The following CENPU variants were observed in gnomAD, a reference collection of about 807,000 sequenced individuals.
CENPU encodes KSHV latent nuclear antigen interacting protein 1.
A neutral mutation model predicts 56.7 loss-of-function variants in CENPU; 46 were observed. The observed-to-expected ratio is 0.81, with a 90% CI of 0.64 to 1.04. CENPU has a LOEUF of 1.04. Ranked by LOEUF, CENPU falls within the 50% of genes least tolerant of loss-of-function variation. CENPU has a pLI of 0.00. For synonymous variants in CENPU, 166 were observed against 163.0 expected, an observed-to-expected ratio of 1.02 and a Z score of -0.14; for missense variants, 510 against 490.1, an observed-to-expected ratio of 1.04 and a Z score of -0.38.
intron 11 of CENPU, among the ~76,000 whole-genome samples, chr4:184,699,950 C>T (rs1418393154): frequency 1.3e-5 from 2 of 152,250 alleles, no homozygotes; most frequent in African/African-American, 4.8e-5. Flanking sequence ...AGCCACCGTG[C>T]CCGGCCTAGC....
intron 1 of CENPU, 108 bp from the exon 2 acceptor site, chr4:184,731,076 A>G (rs1200035911): frequency 2.5e-6 from 2 of 784,396 alleles, no homozygotes; most frequent in Non-Finnish European, 4.0e-6. Flanking sequence ...AAAAACAAGA[A>G]CCCATATTCC....
intron 6 of CENPU, among the ~76,000 whole-genome samples, chr4:184,714,207 G>C (rs1238471987): frequency 6.6e-6 from 1 of 152,106 alleles, no homozygotes; most frequent in Non-Finnish European, 1.5e-5. Context: ...AACACTTCCA[G>C]AGAAACAAAA....
intron 6 of CENPU, chr4:184,714,055 A>G (rs1191096628): frequency 6.6e-6 from 1 of 152,236 alleles, no homozygotes; most frequent in African/African-American, 2.4e-5. Flanking sequence ...GTAAAGGTAC[A>G]TGGGAAAGAG....
chr4:184,733,529 T>G (rs4862407), intron 1 of CENPU: 26 of 499,238 alleles, frequency 5.2e-5, no homozygotes, highest in Non-Finnish European at 6.8e-5. Flanking sequence ...CGAGCCATCC[T>G]GGAGAACCGC....
intron 4 of CENPU, among the ~76,000 whole-genome samples, chr4:184,720,674 T>C (rs1412151293): frequency 1.3e-5 from 2 of 152,142 alleles, no homozygotes; most frequent in African/African-American, 4.8e-5. Context: ...AGCTCCAATA[T>C]GTCTGGCAGC....
In CENPU at chr4:184,711,096, AT is replaced by A. The variant is rs1403787646; in HGVS notation, c.689-917del. ...GGTCTTGAACTCCTGGGCTCAAGCA[AT>A]CTCTCACCTCAGCCTCCCAAAGTGC... On this transcript the variant is annotated intron_variant, in intron 7 of 12. Coordinates refer to ENST00000281453, the MANE Select transcript of CENPU (RefSeq NM_024629.4). Among the ~76,000 whole-genome samples, 1,475 of 151,956 alleles carry A rather than the reference AT, an allele frequency of 9.7e-3. 31 individuals are homozygous for A. Among genetic ancestry groups the A allele is most frequent in the South Asian group, 0.039 (188 of 4,808 alleles).
chr4:184,706,167 A>G (rs573132510), intron 8 of CENPU, among the ~76,000 whole-genome samples: 1 of 152,294 alleles, frequency 6.6e-6, no homozygotes, highest in East Asian at 1.9e-4. Context: ...AAGAATTTCT[A>G]ATGTAATATA....
At chr4:184,713,758 A>G (rs1387138103) in intron 6 of CENPU, 3 of 152,344 alleles carry the variant, frequency 2.0e-5, no homozygotes, top group Admixed American at 6.5e-5. Context: ...GAAACTTGGA[A>G]GGTGAACCCC....
chr4:184,709,831 GACC>G (rs1272748049), intron 8 of CENPU, among the ~76,000 whole-genome samples: 1 of 150,120 alleles, frequency 6.7e-6, no homozygotes, highest in Non-Finnish European at 1.5e-5. Flanking sequence ...CATGATCTTT[GACC>G]ACAACATATT....
At chr4:184,699,526 A>G in intron 11 of CENPU, 1 of 1,272,778 alleles carries the variant, frequency 7.9e-7, no homozygotes. Flanking sequence ...AGCTTTCCCT[A>G]TTATATTTAC....
chr4:184,695,734 C>T (rs780628067), intron 12 of CENPU, among the ~76,000 whole-genome samples: 7 of 152,024 alleles, frequency 4.6e-5, no homozygotes, highest in African/African-American at 1.7e-4. Flanking sequence ...CAGGTCTGCT[C>T]GTGCTGTGTA....
chr4:184,724,613 G>A (rs922922372), intron 4 of CENPU, among the ~76,000 whole-genome samples: 2 of 152,140 alleles, frequency 1.3e-5, no homozygotes, highest in Admixed American at 1.3e-4. Context: ...TCTCATTTGT[G>A]ATAATTATAG....
intron 11 of CENPU, 70 bp downstream of exon 11, chr4:184,700,750 T>C: frequency 7.6e-7 from 1 of 1,308,378 alleles, no homozygotes; most frequent in Admixed American, 1.7e-5. Flanking sequence ...CAAGTGTCAC[T>C]CCCCTAAATG....
intron 3 of CENPU, among the ~76,000 whole-genome samples, chr4:184,728,163 G>A (rs1359659670): frequency 6.6e-6 from 1 of 152,120 alleles, no homozygotes; most frequent in African/African-American, 2.4e-5. Flanking sequence ...TTAAAATTAT[G>A]GGGTTTTAGG....
intron 4 of CENPU, among the ~76,000 whole-genome samples, chr4:184,719,273 A>G (rs1761194375): frequency 6.6e-6 from 1 of 152,204 alleles, no homozygotes; most frequent in African/African-American, 2.4e-5. Flanking sequence ...AAGAGTCTAC[A>G]ATCGCTGATA....
chr4:184,720,777 A>C (rs906711999), intron 4 of CENPU, among the ~76,000 whole-genome samples: 1 of 152,190 alleles, frequency 6.6e-6, no homozygotes, highest in African/African-American at 2.4e-5. Context: ...AGAATAATAT[A>C]TCTGGTGAAA....
Position 184,725,034 on chromosome 4 carries a change from A to G in CENPU, c.243T>C (p.Tyr81=). ...FDPPLHSTAI[Y]ADEEEFSKHC... ...GTTTGGAGAATTCTTCTTCATCAGC[A>G]TATATAGCTGTGCTATGTAAAGGAG... Residue 81 remains tyrosine, a synonymous_variant, in exon 4 of 13, where the codon TAT becomes TAC. Coordinates refer to ENST00000281453, the MANE Select transcript of CENPU (RefSeq NM_024629.4). 1.2e-6 allele frequency: 2 copies of G among 1,611,906 alleles called. No homozygotes were observed. Among genetic ancestry groups the G allele is most frequent in the South Asian group, 1.1e-5 (1 of 90,684 alleles).
intron 8 of CENPU, among the ~76,000 whole-genome samples, chr4:184,709,732 G>A (rs1760858418): frequency 6.7e-6 from 1 of 149,460 alleles, no homozygotes; most frequent in African/African-American, 2.5e-5. Context: ...ATTCTATCTA[G>A]ATCTAATGAT....
chr4:184,709,440 T>A (rs1280751930), intron 8 of CENPU, among the ~76,000 whole-genome samples: 3 of 148,722 alleles, frequency 2.0e-5, no homozygotes, highest in African/African-American at 7.5e-5. Flanking sequence ...TGAGCCGAGA[T>A]CTCTCCACTC....
Sources: gnomAD v4.1 joint callset for allele counts (sites outside exome capture counted in the v4.1 genomes callset) on GRCh38, gnomAD v4.1.1 for gene constraint, MANE v1.5 for transcripts, NCBI Gene and HGNC (gene_info 2026-07-23, HGNC 2026-07-21) for gene names.